Variants in CNTN5 observed in about 807,000 individuals in gnomAD.
The protein encoded by CNTN5 is contactin-5.
CNTN5 carries 77 observed loss-of-function variants against 129.1 expected under a neutral mutation model. The observed-to-expected ratio is 0.60, with a 90% CI of 0.50 to 0.72. The LOEUF (loss-of-function observed/expected upper bound fraction) is 0.72, where lower values mean the gene tolerates loss of function less well. CNTN5 is among the 30% of genes least tolerant of loss of function. The probability of loss-of-function intolerance (pLI) is 0.00; values close to 1 mark genes in which losing one functional copy is unlikely to be tolerated. For synonymous variants in CNTN5, 509 were observed against 465.6 expected, an observed-to-expected ratio of 1.09 and a Z score of -1.20; for missense variants, 1,478 against 1,328.8, an observed-to-expected ratio of 1.11 and a Z score of -1.75.
chr11:99,955,142 T>A (rs1050867866), intron 7 of CNTN5, among the ~76,000 whole-genome samples: 11 of 151,038 alleles, frequency 7.3e-5, no homozygotes, highest in South Asian at 2.1e-4. Context: ...AATAAAAAAA[T>A]TTGATTTTAG....
chr11:99,553,952 G>A (rs995541674), intron 2 of CNTN5, among the ~76,000 whole-genome samples: 11 of 117,706 alleles, frequency 9.3e-5, no homozygotes, highest in Middle Eastern at 4.4e-3. Flanking sequence ...AAGCACTGGT[G>A]CTTGAAAATG....
chr11:99,129,860 A>G (rs1858842508), intron 1 of CNTN5, among the ~76,000 whole-genome samples: 1 of 152,196 alleles, frequency 6.6e-6, no homozygotes, highest in Non-Finnish European at 1.5e-5. Flanking sequence ...ATCCAGCCAA[A>G]CTAAGCTTCG....
chr11:100,014,971 T>G (rs546732365), intron 9 of CNTN5, among the ~76,000 whole-genome samples: 1 of 152,214 alleles, frequency 6.6e-6, no homozygotes, highest in South Asian at 2.1e-4. Context: ...CATTTAGGCG[T>G]TTTCCAAAGG....
chr11:99,523,679 C>CAGAATAGAATAGAAT (rs1565258769), intron 2 of CNTN5, among the ~76,000 whole-genome samples: 2 of 72,794 alleles, frequency 2.7e-5, no homozygotes, highest in African/African-American at 1.3e-4. Flanking sequence ...CAGAACAGAA[C>CAGAATAGAATAGAAT]AGAACAGAAC....
chr11:100,122,163 G>A (rs1190131845), intron 13 of CNTN5, among the ~76,000 whole-genome samples: 1 of 152,022 alleles, frequency 6.6e-6, no homozygotes, highest in South Asian at 2.1e-4. Flanking sequence ...AACCAAGAAA[G>A]CCAACGATGT....
At chr11:99,516,726 C>T (rs1049780856) in intron 2 of CNTN5, among the ~76,000 whole-genome samples, 10 of 152,048 alleles carry the variant, frequency 6.6e-5, no homozygotes, top group African/African-American at 2.4e-4. Flanking sequence ...TACCTCAATC[C>T]TAATCCTGAA....
Position 100,168,340 on chromosome 11 carries a change from A to T in CNTN5, c.1581-22786A>T, listed in dbSNP as rs551756533. 2.6e-5 allele frequency among the ~76,000 whole-genome samples: 4 copies of T among 152,084 alleles called. No homozygotes were observed. In the South Asian group the frequency reaches 8.3e-4, roughly 32 times the overall value. On this transcript the variant is annotated intron_variant, in intron 13 of 24. Coordinates refer to ENST00000524871, the MANE Select transcript of CNTN5 (RefSeq NM_014361.4). ...ACGACTTCCAAAGCTAGAGAAGAGA[A>T]GTGAATGCCTGGCTTCAAAGCTGAT...
chr11:100,320,598 GT>G, intron 21 of CNTN5, among the ~76,000 whole-genome samples: 1 of 151,520 alleles, frequency 6.6e-6, no homozygotes, highest in East Asian at 1.9e-4. Flanking sequence ...GTTGCCTGTG[GT>G]TTTTTTTGGG....
At chr11:99,681,178 T>C (rs1039814153) in intron 3 of CNTN5, among the ~76,000 whole-genome samples, 1 of 152,094 alleles carries the variant, frequency 6.6e-6, no homozygotes, top group African/African-American at 2.4e-5. Flanking sequence ...CTGGTGAAGA[T>C]GCTGTGAACA....
Position 99,455,137 on chromosome 11 carries a change from A to C in CNTN5, c.-70-101008A>C, listed in dbSNP as rs78597486. Among the ~76,000 whole-genome samples the C allele has an allele frequency of 7.4e-3, 1,120 of 152,200 alleles. 11 individuals are homozygous for C. The highest frequency in any genetic ancestry group is 0.026 in the African/African-American group (1,079 of 41,542). ...TTGGCTCAGGGAGAAGCAAATGCAA[A>C]TCCTCTCTGCAGAAAACTAACTCCA... On this transcript the variant is annotated intron_variant, in intron 2 of 24. Transcript: ENST00000524871.
chr11:99,625,483 A>G (rs1028918814), intron 3 of CNTN5, among the ~76,000 whole-genome samples: 4 of 152,178 alleles, frequency 2.6e-5, no homozygotes, highest in African/African-American at 7.2e-5. Flanking sequence ...TTTTAAATGT[A>G]TATTCTGTGA....
chr11:100,310,674 T>C (rs945444004), intron 21 of CNTN5, among the ~76,000 whole-genome samples: 4 of 147,380 alleles, frequency 2.7e-5, no homozygotes, highest in African/African-American at 1.0e-4. Flanking sequence ...ATACAGACTA[T>C]GTAGAAAAAA....
At chr11:99,683,131 T>C (rs1458496978) in intron 3 of CNTN5, among the ~76,000 whole-genome samples, 3 of 151,950 alleles carry the variant, frequency 2.0e-5, no homozygotes, top group African/African-American at 7.2e-5. Context: ...TCTACAGTAG[T>C]ATATTTTGAT....
rs377327652 is a variant in CNTN5, at chr11:99,753,883, T to C, written c.56-65661T>C. Among the ~76,000 whole-genome samples the C allele has an allele frequency of 9.3e-5, 14 of 151,208 alleles. No individual in the cohort carries two copies. The South Asian group carries it at 2.7e-3, about 29-fold the overall frequency. The stretch of plus-strand genomic sequence containing the variant: ...TTGTATTTTTAGTAGAAATGGGGTT[T>C]TGCTATGTTGGCTAGGCTGGTCTTG... On this transcript the variant is annotated intron_variant, in intron 3 of 24. Coordinates refer to ENST00000524871, the MANE Select transcript of CNTN5 (RefSeq NM_014361.4).
intron 1 of CNTN5, among the ~76,000 whole-genome samples, chr11:99,069,510 C>T (rs932810153): frequency 1.3e-5 from 2 of 152,106 alleles, no homozygotes; most frequent in African/African-American, 4.8e-5. Flanking sequence ...GCATTGTAAT[C>T]ATCTCTGTTA....
intron 16 of CNTN5, among the ~76,000 whole-genome samples, chr11:100,251,570 A>C (rs142218281): frequency 6.6e-6 from 1 of 151,810 alleles, no homozygotes; most frequent in Non-Finnish European, 1.5e-5. Context: ...TCCCTATGCT[A>C]TTCTCCCCCT....
At chr11:99,469,948 T>C (rs1476273144) in intron 2 of CNTN5, among the ~76,000 whole-genome samples, 6 of 152,150 alleles carry the variant, frequency 3.9e-5, no homozygotes, top group Non-Finnish European at 8.8e-5. Flanking sequence ...GTGTCAGTCA[T>C]ATACTAGGCA....
intron 1 of CNTN5, among the ~76,000 whole-genome samples, chr11:99,041,119 A>C (rs1331436613): frequency 4.6e-5 from 7 of 152,136 alleles, no homozygotes; most frequent in Admixed American, 3.3e-4. Context: ...TTTTCAGTAC[A>C]TTAACTTATG....
At chr11:99,319,238 G>A (rs1423475257) in intron 1 of CNTN5, among the ~76,000 whole-genome samples, 1 of 152,168 alleles carries the variant, frequency 6.6e-6, no homozygotes, top group Non-Finnish European at 1.5e-5. Context: ...TTTACTTCAT[G>A]ATTATTTTTA....
Sources: gnomAD v4.1 joint callset for allele counts (sites outside exome capture counted in the v4.1 genomes callset) on GRCh38, gnomAD v4.1.1 for gene constraint, MANE v1.5 for transcripts, NCBI Gene and HGNC (gene_info 2026-07-23, HGNC 2026-07-21) for gene names.